FRY: variants seen among roughly 807,000 people sequenced by gnomAD.
FRY encodes the protein FRY microtubule binding protein.
A neutral mutation model predicts 348.4 loss-of-function variants in FRY; 128 were observed. The ratio of observed to expected loss-of-function variants is 0.37; its 90% CI spans 0.32 to 0.43. The LOEUF is 0.43. Among genes scored for constraint, FRY ranks in the 20% least tolerant of loss-of-function variants. The pLI is 1.00. For missense variants in FRY, 2,736 were observed against 3,695.2 expected (o/e 0.74, Z 6.73); for synonymous variants, 1,370 against 1,374.7 (o/e 1.00, Z 0.08).
chr13:32,231,030 C>T, intron 40 of FRY, 149 bp from the exon 41 acceptor site: 1 of 627,486 alleles, frequency 1.6e-6, no homozygotes, highest in Non-Finnish European at 2.7e-6. Context: ...TGTTTAAGTT[C>T]CTTATAGATG....
intron 36 of FRY, among the ~76,000 whole-genome samples, chr13:32,221,760 G>A (rs1332345893): frequency 5.3e-5 from 8 of 152,168 alleles, no homozygotes; most frequent in Non-Finnish European, 1.0e-4. Flanking sequence ...TGATCCACCC[G>A]CCTGGGCCTT....
At chr13:32,246,573 C>A (rs1886815108) in intron 47 of FRY, among the ~76,000 whole-genome samples, 1 of 152,188 alleles carries the variant, frequency 6.6e-6, no homozygotes, top group Non-Finnish European at 1.5e-5. Context: ...TGGACTCCAC[C>A]CTGTCCACCA....
At position 32,178,825 on chromosome 13, in the gene FRY, T is replaced by G. The variant is rs762002156; in HGVS notation, c.2682-19T>G. The G allele has an allele frequency of 8.9e-6, 14 of 1,573,168 alleles. No homozygotes were observed. Among genetic ancestry groups the G allele is most frequent in the Non-Finnish European group, 1.2e-5 (14 of 1,142,790 alleles). On this transcript the variant is annotated intron_variant, in intron 21 of 60. Coordinates refer to ENST00000542859, the MANE Select transcript of FRY (RefSeq NM_023037.3). Reference sequence around the variant, plus strand: ...TCCAGAACTTAGTTTCACTCTTGTTTTCGACTCCATATTTCTAGTAGCCCA... The same window carrying G: ...TCCAGAACTTAGTTTCACTCTTGTTGTCGACTCCATATTTCTAGTAGCCCA...
At chr13:32,107,082 C>T (rs1371632743) in intron 3 of FRY, among the ~76,000 whole-genome samples, 1 of 152,208 alleles carries the variant, frequency 6.6e-6, no homozygotes. Context: ...AAGGGCCTGG[C>T]GTAATGGCTC....
chr13:32,060,870 G>A, intron 1 of FRY: 1 of 337,034 alleles, frequency 3.0e-6, no homozygotes, highest in South Asian at 2.4e-5. Context: ...CCATTGGTAT[G>A]AACAGTCTGC....
At chr13:32,244,223 A>G (rs779138716) in intron 47 of FRY, 41 bp downstream of exon 47, 22 of 1,584,258 alleles carry the variant, frequency 1.4e-5, no homozygotes, top group Admixed American at 1.7e-5. Context: ...CAGTCGTTCT[A>G]AAAAGATGGA....
intron 11 of FRY, among the ~76,000 whole-genome samples, chr13:32,137,695 G>C (rs1232475223): frequency 6.6e-6 from 1 of 152,182 alleles, no homozygotes; most frequent in African/African-American, 2.4e-5. Flanking sequence ...AGTGCAAATA[G>C]GATGTATTTT....
intron 55 of FRY, among the ~76,000 whole-genome samples, chr13:32,268,176 A>G (rs569814042): frequency 1.3e-5 from 2 of 152,104 alleles, no homozygotes; most frequent in Non-Finnish European, 2.9e-5. Context: ...ACATACTTAC[A>G]ATGACTGCTT....
chr13:32,288,707 A>G (rs773914823), intron 58 of FRY, among the ~76,000 whole-genome samples: 6 of 152,242 alleles, frequency 3.9e-5, no homozygotes, highest in Non-Finnish European at 7.3e-5. Context: ...ACAGTGAAAC[A>G]TTTAGTTTAA....
intron 54 of FRY, 142 bp from the exon 55 acceptor site, chr13:32,267,028 C>G: frequency 1.3e-6 from 1 of 769,342 alleles, no homozygotes; most frequent in Non-Finnish European, 2.3e-6. Flanking sequence ...GAATGAAAGC[C>G]AAGTCCCCAA....
In FRY at chr13:32,141,900, T is replaced by C. The variant is rs147771314; in HGVS notation, c.1179+4928T>C. On this transcript the variant is annotated intron_variant, in intron 11 of 60. Transcript: ENST00000542859. Reference sequence around the variant, plus strand: ...AGGGAAGATCTACTCTGAAGCCCACTAGTTTCTTGAACAATTGTATCAATG... The same window carrying C: ...AGGGAAGATCTACTCTGAAGCCCACCAGTTTCTTGAACAATTGTATCAATG... Among the ~76,000 whole-genome samples the C allele has an allele frequency of 8.2e-3, 1,244 of 152,308 alleles. 1 individual carries two copies. Among genetic ancestry groups the C allele is most frequent in the Admixed American group, 0.015 (234 of 15,292 alleles).
chr13:32,277,775 G>A (rs1389240364), intron 57 of FRY, among the ~76,000 whole-genome samples: 1 of 152,186 alleles, frequency 6.6e-6, no homozygotes, highest in East Asian at 1.9e-4. Flanking sequence ...TGTTTCTGTG[G>A]CCTTTTACCT....
At chr13:32,149,132 A>T (rs1880642779) in intron 13 of FRY, among the ~76,000 whole-genome samples, 2 of 148,394 alleles carry the variant, frequency 1.3e-5, no homozygotes, top group South Asian at 4.2e-4. Context: ...TATTTCTGTT[A>T]TATATTCCTG....
intron 58 of FRY, among the ~76,000 whole-genome samples, chr13:32,282,632 A>C (rs1305018307): frequency 6.6e-6 from 1 of 152,186 alleles, no homozygotes; most frequent in Non-Finnish European, 1.5e-5. Flanking sequence ...TTAAGTGAGG[A>C]TTGCTATAGA....
chr13:32,184,532 C>T, intron 24 of FRY, 68 bp from the exon 25 acceptor site: 2 of 945,148 alleles, frequency 2.1e-6, no homozygotes, highest in Non-Finnish European at 3.4e-6. Context: ...TTGTTAATAC[C>T]ATTTTCTAAA....
At chr13:32,167,785 G>A (rs903041310) in intron 17 of FRY, among the ~76,000 whole-genome samples, 3 of 152,172 alleles carry the variant, frequency 2.0e-5, no homozygotes, top group Middle Eastern at 3.2e-3. Context: ...CCATAGACAG[G>A]TATAAATATA....
At chr13:32,157,704 C>G (rs1179545231) in intron 16 of FRY, among the ~76,000 whole-genome samples, 1 of 152,176 alleles carries the variant, frequency 6.6e-6, no homozygotes, top group Admixed American at 6.5e-5. Context: ...ACCATCACAA[C>G]TCATGTGACA....
intron 1 of FRY, among the ~76,000 whole-genome samples, chr13:32,049,439 T>TTTTG (rs35111970): frequency 0.65 from 98,732 of 151,224 alleles, 32,472 homozygotes; most frequent in African/African-American, 0.68. Flanking sequence ...CCATAGGTTT[T>TTTTG]TTTGTTTGTT....
Position 32,236,167 on chromosome 13 carries a change from G to C in FRY, c.5805G>C (p.Leu1935Phe). 2.5e-6 allele frequency: 4 copies of C among 1,606,224 alleles called. No individual in the cohort carries two copies. Among genetic ancestry groups the C allele is most frequent in the Non-Finnish European group, 3.4e-6 (4 of 1,172,904 alleles). Residue 1935 changes from leucine to phenylalanine, a missense_variant, in exon 43 of 61, where the codon TTG becomes TTC. Transcript: ENST00000542859. Reference sequence around the variant, plus strand: ...AGAACAGTGACCTCCTAACTGTATTGTCCCGGTGAGAATCAGCTTAATGAT... The same window carrying C: ...AGAACAGTGACCTCCTAACTGTATTCTCCCGGTGAGAATCAGCTTAATGAT... ...CLKNSDLLTV[L>F]SRSSSPDLSS...
Sources: gnomAD v4.1 joint callset for allele counts (sites outside exome capture counted in the v4.1 genomes callset) on GRCh38, gnomAD v4.1.1 for gene constraint, MANE v1.5 for transcripts, NCBI Gene and HGNC (gene_info 2026-07-23, HGNC 2026-07-21) for gene names.